The following MYRIP variants were observed in gnomAD, a reference collection of about 807,000 sequenced individuals.
MYRIP encodes myosin VIIA and Rab interacting protein, also known as rab effector MyRIP.
In MYRIP, 49 loss-of-function variants were observed where a neutral mutation model predicts 98.0. The observed-to-expected ratio is 0.50, with a 90% confidence interval of 0.40 to 0.63. The LOEUF is 0.63. Among genes scored for constraint, MYRIP ranks in the 30% least tolerant of loss-of-function variants. The pLI is 0.00. For synonymous variants in MYRIP, 404 were observed against 409.5 expected, an observed-to-expected ratio of 0.99 and a Z score of 0.16; for missense variants, 1,004 against 1,058.2, an observed-to-expected ratio of 0.95 and a Z score of 0.71.
chr3:40,110,261 T>A (rs1949132015), intron 3 of MYRIP, among the ~76,000 whole-genome samples: 1 of 152,074 alleles, frequency 6.6e-6, no homozygotes, highest in Non-Finnish European at 1.5e-5. Context: ...ATATTTGCAT[T>A]TATTTGCAGG....
chr3:40,155,793 T>C (rs996333144), intron 4 of MYRIP, among the ~76,000 whole-genome samples: 2 of 152,172 alleles, frequency 1.3e-5, no homozygotes, highest in African/African-American at 4.8e-5. Flanking sequence ...ATGTCTTCTT[T>C]TGAGAAGTGT....
chr3:39,967,908 C>T lies in MYRIP; in HGVS notation c.110+66982C>T, dbSNP rs112440754. Among the ~76,000 whole-genome samples the T allele has an allele frequency of 9.0e-3, 1,371 of 152,186 alleles. 14 individuals are homozygous for T. The highest frequency in any genetic ancestry group is 0.032 in the African/African-American group (1,313 of 41,528). ...CTTTTGAAAGGTGTCTTTTCATGTC[C>T]TCTGCCCACTTTTTAATGGGGTTGT... On this transcript the variant is annotated intron_variant, in intron 2 of 16. Coordinates refer to ENST00000302541, the MANE Select transcript of MYRIP (RefSeq NM_015460.4).
At chr3:40,084,979 A>G (rs1433742121) in intron 3 of MYRIP, among the ~76,000 whole-genome samples, 1 of 150,598 alleles carries the variant, frequency 6.6e-6, no homozygotes, top group Admixed American at 6.6e-5. Flanking sequence ...TATGTGTTAC[A>G]TATCGATAAT....
intron 3 of MYRIP, among the ~76,000 whole-genome samples, chr3:40,062,812 G>A (rs1003474653): frequency 6.6e-6 from 1 of 152,160 alleles, no homozygotes; most frequent in African/African-American, 2.4e-5. Context: ...TGAGTTATTT[G>A]TGCTGGTAGC....
At chr3:40,011,801 A>C (rs1946766214) in intron 2 of MYRIP, among the ~76,000 whole-genome samples, 1 of 152,238 alleles carries the variant, frequency 6.6e-6, no homozygotes, top group Non-Finnish European at 1.5e-5. Context: ...TAAAATAATA[A>C]GTAAATACAC....
At chr3:40,108,907 A>G (rs934803586) in intron 3 of MYRIP, among the ~76,000 whole-genome samples, 2 of 152,038 alleles carry the variant, frequency 1.3e-5, no homozygotes, top group African/African-American at 4.8e-5. Context: ...CCCACACCCC[A>G]CCACTTTCTC....
chr3:39,860,063 A>G (rs1333696809), intron 1 of MYRIP, among the ~76,000 whole-genome samples: 1 of 152,230 alleles, frequency 6.6e-6, no homozygotes, highest in Admixed American at 6.5e-5. Context: ...AAGTATAATT[A>G]TTTCTGTTTG....
intron 2 of MYRIP, among the ~76,000 whole-genome samples, chr3:40,020,659 A>G (rs1021835214): frequency 5.3e-5 from 8 of 152,240 alleles, no homozygotes; most frequent in Non-Finnish European, 8.8e-5. Flanking sequence ...TCAGTTGCAA[A>G]GATGGTATAT....
intron 2 of MYRIP, among the ~76,000 whole-genome samples, chr3:40,013,482 C>T (rs1050837237): frequency 6.6e-6 from 1 of 152,210 alleles, no homozygotes; most frequent in Non-Finnish European, 1.5e-5. Context: ...CTGAAACTTT[C>T]CCCTGAGATC....
At chr3:40,184,379 C>T (rs1366309456) in intron 9 of MYRIP, among the ~76,000 whole-genome samples, 1 of 152,160 alleles carries the variant, frequency 6.6e-6, no homozygotes, top group African/African-American at 2.4e-5. Flanking sequence ...AATACAGAGT[C>T]CATATGTAGG....
At chr3:40,248,966 C>T (rs952682100) in intron 13 of MYRIP, among the ~76,000 whole-genome samples, 1 of 152,226 alleles carries the variant, frequency 6.6e-6, no homozygotes, top group African/African-American at 2.4e-5. Flanking sequence ...ACCTCCTCCT[C>T]CTTTTCTGAC....
Position 40,194,058 on chromosome 3 carries a change from T to G in MYRIP, c.1665+3595T>G, listed in dbSNP as rs189710985. 1.4e-3 allele frequency among the ~76,000 whole-genome samples: 218 copies of G among 152,290 alleles called. 1 individual carries two copies. Among genetic ancestry groups the G allele is most frequent in the African/African-American group, 5.0e-3 (207 of 41,580 alleles). On this transcript the variant is annotated intron_variant, in intron 10 of 16. Coordinates refer to ENST00000302541, the MANE Select transcript of MYRIP (RefSeq NM_015460.4). ...AAGTATATTTTACATACAAAAATTT[T>G]TGTTCATAATAATTTATCAATTATT...
intron 2 of MYRIP, among the ~76,000 whole-genome samples, chr3:39,967,805 G>C (rs6599070): frequency 0.089 from 13,571 of 151,892 alleles, 1,451 homozygotes; most frequent in African/African-American, 0.25. Context: ...ATCTCACTGC[G>C]GTTTTTATTT....
At chr3:40,109,245 C>T (rs1189799349) in intron 3 of MYRIP, among the ~76,000 whole-genome samples, 2 of 152,236 alleles carry the variant, frequency 1.3e-5, no homozygotes, top group East Asian at 3.9e-4. Flanking sequence ...GATCTATTGG[C>T]CTCACCACTT....
At chr3:39,911,042 G>A (rs1944009501) in intron 2 of MYRIP, among the ~76,000 whole-genome samples, 1 of 152,110 alleles carries the variant, frequency 6.6e-6, no homozygotes. Flanking sequence ...AGCATACTGT[G>A]TCCATGCCAT....
chr3:39,910,901 T>G (rs1284811670), intron 2 of MYRIP, among the ~76,000 whole-genome samples: 1 of 152,218 alleles, frequency 6.6e-6, no homozygotes, highest in Non-Finnish European at 1.5e-5. Flanking sequence ...TAGGTATCTG[T>G]AAGAGCCAGC....
chr3:40,198,520 C>T (rs1452240723), intron 10 of MYRIP, among the ~76,000 whole-genome samples: 2 of 152,098 alleles, frequency 1.3e-5, no homozygotes, highest in African/African-American at 4.8e-5. Context: ...ACTTCGATTG[C>T]CTTTTAGTGT....
chr3:40,212,102 G>A lies in MYRIP; in HGVS notation c.1905+2009G>A, dbSNP rs1354971076. Among the ~76,000 whole-genome samples, 6 of 139,142 alleles carry A rather than the reference G, an allele frequency of 4.3e-5. 1 individual carries two copies. The highest frequency in any genetic ancestry group is 6.2e-5 in the Non-Finnish European group (4 of 64,076). The allele number at this position is 139,142 out of a possible 152,430, so 91.3% of individuals were successfully genotyped here. On this transcript the variant is annotated intron_variant, in intron 11 of 16. Transcript: ENST00000302541. ...TATAGCCATATATATATATGTGTGT[G>A]TGTATATATATATACATATATATAC... is the stretch of plus-strand genomic sequence containing the variant.
intron 2 of MYRIP, among the ~76,000 whole-genome samples, chr3:39,968,222 G>T (rs1575422039): frequency 6.8e-6 from 1 of 147,454 alleles, no homozygotes; most frequent in African/African-American, 2.5e-5. Context: ...CATTTAACTT[G>T]TTTTTTTTTT....
Sources: gnomAD v4.1 joint callset for allele counts (sites outside exome capture counted in the v4.1 genomes callset) on GRCh38, gnomAD v4.1.1 for gene constraint, MANE v1.5 for transcripts, NCBI Gene and HGNC (gene_info 2026-07-23, HGNC 2026-07-21) for gene names.